SART1: variants seen among roughly 807,000 people sequenced by gnomAD.
The protein encoded by SART1 is spliceosome associated factor 1, recruiter of U4/U6.U5 tri-snRNP, also known as U4/U6.U5 tri-snRNP-associated protein 1.
A neutral mutation model predicts 105.0 loss-of-function variants in SART1; 28 were observed. The observed-to-expected ratio is 0.27, with a 90% CI of 0.20 to 0.37. SART1 has a LOEUF of 0.37. Among genes scored for constraint, SART1 ranks in the 10% least tolerant of loss-of-function variants. The pLI is 1.00. For synonymous variants in SART1, 472 were observed against 462.9 expected (o/e 1.02, Z -0.25); for missense variants, 894 against 1,106.5 (o/e 0.81, Z 2.72).
intron 1 of SART1, 41 bp downstream of exon 1, chr11:65,962,134 G>GGGGGGGGC: frequency 2.6e-6 from 1 of 378,092 alleles, no homozygotes; most frequent in Non-Finnish European, 4.8e-6. Flanking sequence ...GTCGGGCGGG[G>GGGGGGGGC]GTCCCGGAAC....
At chr11:65,972,374 A>G (rs1314596236) in intron 12 of SART1, among the ~76,000 whole-genome samples, 1 of 152,170 alleles carries the variant, frequency 6.6e-6, no homozygotes, top group East Asian at 1.9e-4. Flanking sequence ...ATTTGGGGAA[A>G]AAATGAAATT....
chr11:65,977,687 GC>G (rs762816180), intron 16 of SART1, 34 bp downstream of exon 16: 1 of 1,613,548 alleles, frequency 6.2e-7, no homozygotes. Context: ...GGGCTGAGGG[GC>G]CTGTGCCAGC....
In SART1 at chr11:65,967,695, A is replaced by G. The variant is rs769474414; in HGVS notation, c.1446A>G (p.Pro482=). The G allele has an allele frequency of 6.4e-7, 1 of 1,564,816 alleles. No homozygotes were observed. Among genetic ancestry groups the G allele is most frequent in the East Asian group, 2.3e-5 (1 of 42,846 alleles). The change falls in exon 12 of 20, where the codon CCA becomes CCG. Residue 482 remains proline, a synonymous_variant. Coordinates refer to ENST00000312397, the MANE Select transcript of SART1 (RefSeq NM_005146.5). ...TTCCCCCAGAGGAAGGTGGAGCTCCACCGCCGGGGTCCCCGCAGGTGCTGG... is the reference window on the plus strand; with the variant it reads ...TTCCCCCAGAGGAAGGTGGAGCTCCGCCGCCGGGGTCCCCGCAGGTGCTGG... ...DISDEEEGGA[P]PPGSPQVLEE...
rs767792464 is a variant in SART1 at position 65,977,660 on chromosome 11, G to T, written c.2036+7G>T. ...ACTGCATCGAGGATAAGATGTGAGTGTGGTGGGGCCTGTGCAGGGCTGAGG... is the reference window on the plus strand; with the variant it reads ...ACTGCATCGAGGATAAGATGTGAGTTTGGTGGGGCCTGTGCAGGGCTGAGG... On this transcript the variant is annotated splice_region_variant and intron_variant, in intron 16 of 19. Coordinates refer to ENST00000312397, the MANE Select transcript of SART1 (RefSeq NM_005146.5). 2.2e-5 allele frequency: 35 copies of T among 1,613,932 alleles called. No individual in the cohort carries two copies. In the South Asian group the frequency reaches 3.8e-4, roughly 18 times the overall value.
chr11:65,972,062 G>A (rs1203342846), intron 12 of SART1, among the ~76,000 whole-genome samples: 5 of 152,032 alleles, frequency 3.3e-5, no homozygotes, highest in East Asian at 1.9e-4. Flanking sequence ...AGGGCTTCCC[G>A]ATATGAATTT....
intron 12 of SART1, among the ~76,000 whole-genome samples, chr11:65,968,221 T>C (rs1017301433): frequency 2.0e-5 from 3 of 152,190 alleles, no homozygotes; most frequent in African/African-American, 7.2e-5. Context: ...ATGCTAAAAT[T>C]ACAGGTGTGT....
intron 2 of SART1, 58 bp downstream of exon 2, chr11:65,964,189 C>T (rs762540261): frequency 1.4e-6 from 2 of 1,440,076 alleles, no homozygotes. Context: ...GCTCTGGGGC[C>T]AGCACGGGGG....
intron 5 of SART1, 72 bp from the exon 6 acceptor site, chr11:65,965,630 G>C: frequency 6.7e-7 from 1 of 1,500,076 alleles, no homozygotes; most frequent in Middle Eastern, 2.2e-4. Context: ...CACTCCGCTT[G>C]GTAGAGCCCT....
intron 12 of SART1, 141 bp downstream of exon 12, chr11:65,967,962 T>A: frequency 1.2e-6 from 1 of 811,422 alleles, no homozygotes; most frequent in Non-Finnish European, 1.8e-6. Context: ...TTTTTTTTTT[T>A]TTTTTGAGAC....
In SART1 at chr11:65,976,587, C is replaced by T. The variant is rs763114176; in HGVS notation, c.1746+19C>T. ...GCTCATGGTGCGTCTGGGGCGGCCCCGCCCTCTGCTTCCCTCGGCTGGGTG... is the reference window on the plus strand; with the variant it reads ...GCTCATGGTGCGTCTGGGGCGGCCCTGCCCTCTGCTTCCCTCGGCTGGGTG... On this transcript the variant is annotated intron_variant, in intron 13 of 19. Transcript: ENST00000312397. The surrounding 1 kb of genome is among the most constrained non-coding windows in gnomAD (Gnocchi z 5.1). The T allele has an allele frequency of 8.7e-6, 14 of 1,613,460 alleles. No homozygotes were observed. In the South Asian group the frequency reaches 1.2e-4, roughly 14 times the overall value.
At chr11:65,964,672 C>A in intron 3 of SART1, 102 bp downstream of exon 3, 1 of 1,152,010 alleles carries the variant, frequency 8.7e-7, no homozygotes, top group Non-Finnish European at 1.2e-6. Flanking sequence ...GTTTAGTGGT[C>A]TTACACATGC....
At position 65,976,049 on chromosome 11, in the gene SART1, G is replaced by A. The variant is rs7948137; in HGVS notation, c.1573-346G>A. Reference sequence around the variant, plus strand: ...TAGAGTCCTGAAACCGGAGTTTGTCGGGGGAGGGGCAGGTGGCAGGAGGGA... The same window carrying A: ...TAGAGTCCTGAAACCGGAGTTTGTCAGGGGAGGGGCAGGTGGCAGGAGGGA... On this transcript the variant is annotated intron_variant, in intron 12 of 19. Transcript: ENST00000312397. The surrounding 1 kb of genome is among the most constrained non-coding windows in gnomAD (Gnocchi z 5.1). Among the ~76,000 whole-genome samples the A allele has an allele frequency of 8.3e-3, 1,261 of 152,262 alleles. 18 individuals carry two copies. Among genetic ancestry groups the A allele is most frequent in the African/African-American group, 0.028 (1,158 of 41,548 alleles).
Position 65,967,780 on chromosome 11 carries a change from C to T in SART1, c.1531C>T (p.Gln511Ter). ...KQLEKGRRLR[Q>*]LQQLQQLRDS... is the part of the protein sequence containing the mutation. ...GCTGGAGAAGGGACGCCGGCTGCGA[C>T]AGTTACAGCAGCTACAGCAGCTGCG... Residue 511 changes from glutamine (Q) to a stop codon, truncating the protein, a stop_gained, in exon 12 of 20, where the codon CAG (glutamine) becomes TAG (stop). Coordinates refer to ENST00000312397, the MANE Select transcript of SART1 (RefSeq NM_005146.5). LOFTEE classifies it high-confidence loss of function. 1 of 1,549,020 alleles carries T rather than the reference C, an allele frequency of 6.5e-7. No homozygotes were observed. Among genetic ancestry groups the T allele is most frequent in the East Asian group, 2.4e-5 (1 of 41,052 alleles).
rs1855518570 is a variant in SART1 at position 65,977,960 on chromosome 11, C to T, written c.2172+61C>T. ...GCCACAGGGAGGCCAAGCCCAGGGC[C>T]ATGCAATGCCCCGGGCCATGCAATG... On this transcript the variant is annotated intron_variant, in intron 17 of 19. Coordinates refer to ENST00000312397, the MANE Select transcript of SART1 (RefSeq NM_005146.5). The T allele has an allele frequency of 1.7e-5, 27 of 1,544,808 alleles. No individual in the cohort carries two copies. The South Asian group carries it at 2.8e-4, about 16-fold the overall frequency.
At chr11:65,966,971 G>C (rs1207420270) in intron 9 of SART1, among the ~76,000 whole-genome samples, 1 of 152,108 alleles carries the variant, frequency 6.6e-6, no homozygotes, top group Non-Finnish European at 1.5e-5. Context: ...TGGCGCGGTA[G>C]GCGTCTTCCT....
At chr11:65,972,578 A>ACC (rs200461701) in intron 12 of SART1, among the ~76,000 whole-genome samples, 1 of 151,432 alleles carries the variant, frequency 6.6e-6, no homozygotes, top group African/African-American at 2.4e-5. Context: ...CAGCAAGACC[A>ACC]CCCCCCCTAC....
In SART1 at chr11:65,967,557, G is replaced by T. The variant is rs538739713; in HGVS notation, c.1400G>T (p.Arg467Leu). Reference sequence around the variant, plus strand: ...CAGCCCCTGCCGTCGGACGACACCCGAGTGGAGAACATGGACATCAGTGAT... The same window carrying T: ...CAGCCCCTGCCGTCGGACGACACCCTAGTGGAGAACATGGACATCAGTGAT... ...VPQPLPSDDT[R>L]VENMDISDEE... The change falls in exon 11 of 20, where the codon CGA (arginine) becomes CTA (leucine). Residue 467 changes from arginine to leucine, a missense_variant. Coordinates refer to ENST00000312397, the MANE Select transcript of SART1 (RefSeq NM_005146.5). 1.2e-6 allele frequency: 2 copies of T among 1,612,696 alleles called. No homozygotes were observed. The highest frequency in any genetic ancestry group is 1.3e-5 in the African/African-American group (1 of 75,028).
In SART1 at chr11:65,979,001, C is replaced by T. The variant is rs1246557838; in HGVS notation, c.2385-11C>T. 2 of 1,614,032 alleles carry T rather than the reference C, an allele frequency of 1.2e-6. No individual in the cohort carries two copies. The highest frequency in any genetic ancestry group is 2.2e-5 in the East Asian group (1 of 44,890). Reference sequence around the variant, plus strand: ...GCCTCTGCAGCCTCACGCCCCTGTTCTTCTCTGCAGGAACACCATCACCAA... The same window carrying T: ...GCCTCTGCAGCCTCACGCCCCTGTTTTTCTCTGCAGGAACACCATCACCAA... On this transcript the variant is annotated splice_polypyrimidine_tract_variant and intron_variant, in intron 19 of 19. Transcript: ENST00000312397.
rs771908958 is a variant in SART1, at chr11:65,965,716, G to A, written c.675G>A (p.Glu225=). Residue 225 remains glutamate (E), a synonymous_variant, in exon 6 of 20, where the codon GAG becomes GAA. Coordinates refer to ENST00000312397, the MANE Select transcript of SART1 (RefSeq NM_005146.5). Reference sequence around the variant, plus strand: ...CTGTCCCGTAGGCCAAGTTACTGGAGGAGATGGACCAAGAGTTTGGTGTCA... The same window carrying A: ...CTGTCCCGTAGGCCAAGTTACTGGAAGAGATGGACCAAGAGTTTGGTGTCA... ...DLAEKRAKLL[E]EMDQEFGVST... 6.2e-7 allele frequency: 1 copy of A among 1,614,024 alleles called. No homozygotes were observed. The highest frequency in any genetic ancestry group is 1.7e-5 in the Admixed American group (1 of 59,996).
Sources: gnomAD v4.1 joint callset for allele counts (sites outside exome capture counted in the v4.1 genomes callset) on GRCh38, gnomAD v4.1.1 for gene constraint, Gnocchi (gnomAD v3.1) non-coding constraint, MANE v1.5 for transcripts, NCBI Gene and HGNC (gene_info 2026-07-23, HGNC 2026-07-21) for gene names.